The following PGM2 variants were observed in gnomAD, a reference collection of about 807,000 sequenced individuals.
The protein encoded by PGM2 is phosphopentomutase.
In PGM2, 57 loss-of-function variants were observed where a neutral mutation model predicts 74.6. The observed-to-expected ratio is 0.76, with a 90% confidence interval of 0.62 to 0.95. PGM2 has a LOEUF of 0.95. Among genes scored for constraint, PGM2 ranks in the 40% least tolerant of loss-of-function variants. PGM2 has a pLI of 0.00. For synonymous variants in PGM2, 273 were observed against 260.7 expected (o/e 1.05, Z -0.46); for missense variants, 706 against 741.9 (o/e 0.95, Z 0.56).
At chr4:37,847,526 A>G (rs1300897660) in intron 10 of PGM2, 1 of 472,870 alleles carries the variant, frequency 2.1e-6, no homozygotes, top group Non-Finnish European at 3.9e-6. Context: ...TGGATGACTC[A>G]AAACAGTGAC....
chr4:37,855,613 T>TAGTAAAAG lies in PGM2; in HGVS notation c.1608_1609insAGTAAAAG (p.Pro537SerfsTer11). ...ATGTGTGCATTAATTCCTAGGTTCT[T>TAGTAAAAG]CCCACTAGTAAAAGCAGCCAAATGA... On this transcript the variant is annotated frameshift_variant, in exon 13 of 14. Transcript: ENST00000381967. LOFTEE classifies it high-confidence loss of function. 1 of 1,613,558 alleles carries TAGTAAAAG rather than the reference T, an allele frequency of 6.2e-7. No homozygotes were observed. The highest frequency in any genetic ancestry group is 8.5e-7 in the Non-Finnish European group (1 of 1,179,732).
chr4:37,861,514 C>T lies in PGM2; in HGVS notation c.1741C>T (p.Pro581Ser), dbSNP rs745479146. Residue 581 changes from proline to serine, a missense_variant, in exon 14 of 14, where the codon CCT (proline) becomes TCT (serine). Physicochemically the swap from Pro to Ser is moderately conservative, Grantham distance 74 (BLOSUM62 -1). This residue lies in a region of PGM2 where 359 missense variants were observed against 371.1 expected (regional missense o/e 0.97). Transcript: ENST00000381967. ...TTTTTCCCCCTTATTTTCCAGTGAT[C>T]CTGAGCAGCTGAAGAAGGAACTGAA... ...ELCAPPGNSDPEQLKKELNEL... is the reference protein window; with the variant it reads ...ELCAPPGNSDSEQLKKELNEL... 2.5e-6 allele frequency: 4 copies of T among 1,606,834 alleles called. No individual in the cohort carries two copies. Among genetic ancestry groups the T allele is most frequent in the Non-Finnish European group, 3.4e-6 (4 of 1,174,018 alleles).
intron 6 of PGM2, among the ~76,000 whole-genome samples, chr4:37,841,158 T>TTGTGTGTGTGTGTGTGTGTG (rs34512739): frequency 2.0e-4 from 20 of 101,468 alleles, no homozygotes; most frequent in African/African-American, 7.5e-4. Flanking sequence ...ATAGGAATAT[T>TTGTGTGTGTGTGTGTGTGTG]TGTGTGTGTG....
chr4:37,855,873 C>T, intron 13 of PGM2, 132 bp downstream of exon 13: 1 of 729,886 alleles, frequency 1.4e-6, no homozygotes, highest in Non-Finnish European at 2.1e-6. Context: ...AGAACCTGCA[C>T]TAATATTTTG....
intron 4 of PGM2, among the ~76,000 whole-genome samples, chr4:37,838,558 T>C (rs925170921): frequency 2.0e-5 from 3 of 152,242 alleles, no homozygotes; most frequent in African/African-American, 7.2e-5. Flanking sequence ...GAAATGAGAC[T>C]GTATTGCTAC....
In PGM2 at chr4:37,845,683, T is replaced by C. The variant is rs1725851812; in HGVS notation, c.960T>C (p.Ala320=). Residue 320 remains alanine, a synonymous_variant, in exon 8 of 14, where the codon GCT becomes GCC. Transcript: ENST00000381967. ...ADKTKARIVL[A]NDPDADRLAV... ...AAACCAAGGCCAGAATTGTTTTAGC[T>C]AACGACCCGGATGCTGATAGACTTG... 1.2e-6 allele frequency: 2 copies of C among 1,613,644 alleles called. No homozygotes were observed. Among genetic ancestry groups the C allele is most frequent in the Middle Eastern group, 1.6e-4 (1 of 6,082 alleles).
chr4:37,848,650 G>C lies in PGM2; in HGVS notation c.1411G>C (p.Glu471Gln). 1 of 1,611,918 alleles carries C rather than the reference G, an allele frequency of 6.2e-7. No individual in the cohort carries two copies. Among genetic ancestry groups the C allele is most frequent in the Non-Finnish European group, 8.5e-7 (1 of 1,178,368 alleles). ...TCAGCAACTAAAGGCCATTTATGTG[G>C]AGTAAGTTGTTATTGACTCTGTTGG... is the stretch of plus-strand genomic sequence containing the variant. ...LSQQLKAIYV[E>Q]YGYHITKASY... Residue 471 changes from glutamate to glutamine, a missense_variant and splice_region_variant, in exon 11 of 14, where the codon GAG (glutamate) becomes CAG (glutamine). This residue lies in a region of PGM2 where 359 missense variants were observed against 371.1 expected (regional missense o/e 0.97). Transcript: ENST00000381967.
Position 37,840,197 on chromosome 4 carries a change from C to A in PGM2, c.657C>A (p.His219Gln). The stretch of plus-strand genomic sequence containing the variant: ...TAATTGATAGCAGTCCACTTCTCCA[C>A]AATCCGAGTGCTTCCATCAATAATG... ...DSLIDSSPLLHNPSASINNDY... is the reference protein window; with the variant it reads ...DSLIDSSPLLQNPSASINNDY... Residue 219 changes from histidine (H) to glutamine (Q), a missense_variant, in exon 6 of 14, where the codon CAC becomes CAA. Coordinates refer to ENST00000381967, the MANE Select transcript of PGM2 (RefSeq NM_018290.4). The A allele has an allele frequency of 1.2e-6, 2 of 1,612,798 alleles. No homozygotes were observed. The highest frequency in any genetic ancestry group is 1.7e-6 in the Non-Finnish European group (2 of 1,178,758).
intron 7 of PGM2, among the ~76,000 whole-genome samples, chr4:37,845,193 TTTC>T (rs1725837778): frequency 6.6e-6 from 1 of 152,172 alleles, no homozygotes; most frequent in African/African-American, 2.4e-5. Flanking sequence ...ATGATTTTTA[TTTC>T]TTGTCATTTT....
chr4:37,844,439 AGCTTTCAAG>A lies in PGM2; in HGVS notation c.801_809del (p.Lys268_Phe270del), dbSNP rs765065248. ...GGGTGGGTCATAGCTTTGTGCAGTC[AGCTTTCAAG>A]GCTTTTGACCTTGTTCCTCCTGAGG... is the stretch of plus-strand genomic sequence containing the variant. On this transcript the variant is annotated inframe_deletion, in exon 7 of 14. Coordinates refer to ENST00000381967, the MANE Select transcript of PGM2 (RefSeq NM_018290.4). The A allele has an allele frequency of 1.2e-6, 2 of 1,613,694 alleles. No homozygotes were observed. The highest frequency in any genetic ancestry group is 1.7e-6 in the Non-Finnish European group (2 of 1,179,692).
intron 5 of PGM2, 53 bp downstream of exon 5, chr4:37,839,984 C>G: frequency 4.0e-6 from 6 of 1,496,816 alleles, no homozygotes; most frequent in Non-Finnish European, 5.6e-6. Flanking sequence ...AATCCTGTAT[C>G]TGTAATTTTT....
At chr4:37,852,781 A>G (rs1459662205) in intron 12 of PGM2, among the ~76,000 whole-genome samples, 2 of 152,154 alleles carry the variant, frequency 1.3e-5, no homozygotes, top group African/African-American at 4.8e-5. Context: ...TCCTCTGGGA[A>G]GATTTTAGGA....
intron 3 of PGM2, 108 bp from the exon 4 acceptor site, chr4:37,837,421 A>G (rs1577674442): frequency 2.6e-6 from 2 of 769,636 alleles, no homozygotes; most frequent in South Asian, 1.4e-5. Context: ...CTTGATCTGG[A>G]TGCTGCATTC....
chr4:37,845,628 T>C lies in PGM2; in HGVS notation c.910-5T>C. 6.3e-7 allele frequency: 1 copy of C among 1,584,858 alleles called. No individual in the cohort carries two copies. The highest frequency in any genetic ancestry group is 2.2e-5 in the East Asian group (1 of 44,732). On this transcript the variant is annotated splice_polypyrimidine_tract_variant and splice_region_variant and intron_variant, in intron 7 of 13. Coordinates refer to ENST00000381967, the MANE Select transcript of PGM2 (RefSeq NM_018290.4). ...ATAATCTTTTATTTTCATATTCTTCTTCAGACTTTGTCTTTTGCTTTGGCT... is the reference window on the plus strand; with the variant it reads ...ATAATCTTTTATTTTCATATTCTTCCTCAGACTTTGTCTTTTGCTTTGGCT...
At chr4:37,829,021 C>A (rs930661724) in intron 1 of PGM2, among the ~76,000 whole-genome samples, 1 of 152,146 alleles carries the variant, frequency 6.6e-6, no homozygotes, top group Non-Finnish European at 1.5e-5. Context: ...ATTAAATGGC[C>A]ACGTCCTGCG....
intron 13 of PGM2, among the ~76,000 whole-genome samples, chr4:37,859,805 AATG>A (rs1455665405): frequency 1.3e-5 from 2 of 152,200 alleles, no homozygotes; most frequent in African/African-American, 4.8e-5. Context: ...ATTAGAGAAA[AATG>A]ATACTTTCCT....
chr4:37,837,647 A>G, intron 4 of PGM2, 34 bp downstream of exon 4: 3 of 1,351,126 alleles, frequency 2.2e-6, no homozygotes, highest in Non-Finnish European at 3.2e-6. Context: ...ATTTCCTGTC[A>G]CATGATCAGG....
chr4:37,848,547 G>A lies in PGM2; in HGVS notation c.1308G>A (p.Leu436=), dbSNP rs764760456. Residue 436 remains leucine (L), a synonymous_variant, in exon 11 of 14, where the codon CTG becomes CTA. Coordinates refer to ENST00000381967, the MANE Select transcript of PGM2 (RefSeq NM_018290.4). ...GATACATGTGCTGCCCTTTTGTTCT[G>A]GACAAAGATGGAGTCAGTGCCGCTG... ...AIGYMCCPFV[L]DKDGVSAAVI... 9.3e-6 allele frequency: 15 copies of A among 1,613,458 alleles called. No individual in the cohort carries two copies. Among genetic ancestry groups the A allele is most frequent in the Admixed American group, 1.7e-5 (1 of 59,996 alleles).
intron 13 of PGM2, among the ~76,000 whole-genome samples, chr4:37,857,137 A>G (rs1220384272): frequency 3.9e-5 from 6 of 152,202 alleles, no homozygotes; most frequent in African/African-American, 1.2e-4. Context: ...TGAATCAAGT[A>G]TCAGTTTTAA....
Sources: allele counts gnomAD v4.1 joint callset (sites outside exome capture counted in the v4.1 genomes callset), GRCh38; gene constraint gnomAD v4.1.1; regional missense constraint gnomAD v4.1.1; transcripts MANE v1.5; gene names NCBI Gene and HGNC (gene_info 2026-07-23, HGNC 2026-07-21).